NRG3: variants seen among roughly 807,000 people sequenced by gnomAD.
The protein encoded by NRG3 is pro-neuregulin-3, membrane-bound isoform.
In NRG3, 31 loss-of-function variants were observed where a neutral mutation model predicts 66.9. The ratio of observed to expected loss-of-function variants is 0.46; its 90% confidence interval spans 0.35 to 0.63. NRG3 has a LOEUF of 0.63. Ranked by LOEUF, NRG3 falls within the 20% of genes least tolerant of loss-of-function variation. NRG3 has a pLI of 0.00. For synonymous variants in NRG3, 393 were observed against 359.4 expected (o/e 1.09, Z -1.06); for missense variants, 910 against 878.9 (o/e 1.04, Z -0.45).
chr10:82,961,705 A>C lies in NRG3; in HGVS notation c.1284+2630A>C, dbSNP rs114581955. ...AATGCACAATAACCTCCCTCAACAGAAGATTATCCTTCCCAAAATGTCAAA... is the reference window on the plus strand; with the variant it reads ...AATGCACAATAACCTCCCTCAACAGCAGATTATCCTTCCCAAAATGTCAAA... On this transcript the variant is annotated intron_variant, in intron 6 of 8. Coordinates refer to ENST00000372141, the MANE Select transcript of NRG3 (RefSeq NM_001010848.4). Among the ~76,000 whole-genome samples the C allele has an allele frequency of 8.2e-3, 1,244 of 152,270 alleles. 20 individuals carry two copies. Among genetic ancestry groups the C allele is most frequent in the African/African-American group, 0.028 (1,165 of 41,532 alleles).
At chr10:82,408,083 GACAGAAAGAAAGAAAGAA>G (rs1564888070) in intron 2 of NRG3, among the ~76,000 whole-genome samples, 1 of 106,368 alleles carries the variant, frequency 9.4e-6, no homozygotes, top group Non-Finnish European at 1.9e-5. Context: ...GAGAGAGAGA[GACAGAAAGAAAGAAAGAA>G]AGAAAGAAAG....
intron 1 of NRG3, among the ~76,000 whole-genome samples, chr10:82,014,451 G>A (rs1336227810): frequency 6.6e-6 from 1 of 152,126 alleles, no homozygotes; most frequent in African/African-American, 2.4e-5. Flanking sequence ...AAGTGCCTCG[G>A]CAATAAAATA....
At chr10:82,044,673 C>T (rs1181133876) in intron 1 of NRG3, among the ~76,000 whole-genome samples, 1 of 151,760 alleles carries the variant, frequency 6.6e-6, no homozygotes, top group African/African-American at 2.4e-5. Context: ...TGTGCTGCAC[C>T]TATTAACTCT....
At chr10:82,198,741 G>A (rs919218018) in intron 1 of NRG3, among the ~76,000 whole-genome samples, 7 of 152,144 alleles carry the variant, frequency 4.6e-5, no homozygotes, top group African/African-American at 1.7e-4. Flanking sequence ...GCTCACGCCT[G>A]TAATCCCAGC....
intron 4 of NRG3, among the ~76,000 whole-genome samples, chr10:82,892,258 A>C: frequency 6.6e-6 from 1 of 152,168 alleles, no homozygotes; most frequent in East Asian, 1.9e-4. Context: ...TTTTAGGCCT[A>C]AAGATGAAAA....
At chr10:82,488,765 T>G (rs1842878996) in intron 2 of NRG3, among the ~76,000 whole-genome samples, 3 of 152,200 alleles carry the variant, frequency 2.0e-5, no homozygotes, top group South Asian at 2.1e-4. Flanking sequence ...GAGAGTTACA[T>G]AAAACCTCAG....
chr10:82,447,933 C>T (rs183824421), intron 2 of NRG3, among the ~76,000 whole-genome samples: 104 of 152,296 alleles, frequency 6.8e-4, no homozygotes, highest in African/African-American at 2.5e-3. Context: ...CTTTAGAGAC[C>T]TCCTTTCACT....
intron 1 of NRG3, among the ~76,000 whole-genome samples, chr10:81,904,640 T>G (rs1053956890): frequency 7.9e-5 from 12 of 152,152 alleles, no homozygotes; most frequent in Non-Finnish European, 1.2e-4. Context: ...GGTGAGGACT[T>G]CAGTCGTATT....
intron 1 of NRG3, among the ~76,000 whole-genome samples, chr10:82,217,729 A>G (rs569730387): frequency 6.6e-6 from 1 of 152,186 alleles, no homozygotes; most frequent in South Asian, 2.1e-4. Context: ...ATGTCTGAGC[A>G]CATTTGAAAA....
intron 1 of NRG3, among the ~76,000 whole-genome samples, chr10:81,881,670 G>C (rs1250729257): frequency 6.6e-6 from 1 of 152,184 alleles, no homozygotes; most frequent in Non-Finnish European, 1.5e-5. Flanking sequence ...GTTTGTAAAA[G>C]TAATGGTTCA....
chr10:81,892,209 T>C (rs1384546896), intron 1 of NRG3, among the ~76,000 whole-genome samples: 1 of 152,086 alleles, frequency 6.6e-6, no homozygotes, highest in East Asian at 1.9e-4. Flanking sequence ...TTGCCAAGTG[T>C]GTGTGTCTCT....
At chr10:82,452,992 C>T (rs1275267057) in intron 2 of NRG3, among the ~76,000 whole-genome samples, 1 of 152,018 alleles carries the variant, frequency 6.6e-6, no homozygotes, top group Non-Finnish European at 1.5e-5. Flanking sequence ...TCAGGGGATG[C>T]CCCAGAGACA....
chr10:82,620,361 G>A (rs113151249), intron 2 of NRG3, among the ~76,000 whole-genome samples: 1,874 of 152,214 alleles, frequency 0.012, 37 homozygotes, highest in African/African-American at 0.042. Context: ...GGATAATGGA[G>A]GTAGATAATT....
At chr10:82,793,632 AAAC>A (rs1410527713) in intron 3 of NRG3, among the ~76,000 whole-genome samples, 2 of 152,342 alleles carry the variant, frequency 1.3e-5, no homozygotes, top group Non-Finnish European at 2.9e-5. Flanking sequence ...TGGCATTAAA[AAAC>A]AACAACGAAG....
intron 2 of NRG3, among the ~76,000 whole-genome samples, chr10:82,482,539 AC>A (rs1319632705): frequency 2.0e-5 from 3 of 152,162 alleles, no homozygotes; most frequent in Non-Finnish European, 4.4e-5. Context: ...GTGTAGGGAA[AC>A]AGGCAAGGTC....
Position 82,825,252 on chromosome 10 carries a change from T to C in NRG3, c.1028-40159T>C, listed in dbSNP as rs1404399075. 2.6e-5 allele frequency among the ~76,000 whole-genome samples: 4 copies of C among 152,228 alleles called. No homozygotes were observed. The East Asian group carries it at 7.7e-4, about 29-fold the overall frequency. The stretch of plus-strand genomic sequence containing the variant: ...TAAAAAATCATTGCCTAACCCAAGG[T>C]CATGAAGATTTGCACCTATGGATTT... On this transcript the variant is annotated intron_variant, in intron 3 of 8. Transcript: ENST00000372141.
At chr10:82,522,334 T>A (rs1294686718) in intron 2 of NRG3, among the ~76,000 whole-genome samples, 2 of 152,118 alleles carry the variant, frequency 1.3e-5, no homozygotes, top group Non-Finnish European at 2.9e-5. Flanking sequence ...CATGAGCCAC[T>A]GCGCCTGGCC....
At chr10:82,184,238 A>G (rs2073643501) in intron 1 of NRG3, among the ~76,000 whole-genome samples, 1 of 152,180 alleles carries the variant, frequency 6.6e-6, no homozygotes, top group Non-Finnish European at 1.5e-5. Flanking sequence ...TCAATGTCTG[A>G]TAAAACTGCT....
intron 2 of NRG3, among the ~76,000 whole-genome samples, chr10:82,447,632 A>G (rs538883016): frequency 2.0e-5 from 3 of 152,212 alleles, no homozygotes; most frequent in East Asian, 1.9e-4. Flanking sequence ...GCCATTTCAT[A>G]TTAGGGAATT....
Sources: allele counts gnomAD v4.1 joint callset (sites outside exome capture counted in the v4.1 genomes callset), GRCh38; gene constraint gnomAD v4.1.1; transcripts MANE v1.5; gene names NCBI Gene and HGNC (gene_info 2026-07-23, HGNC 2026-07-21).